The following LAMTOR2 variants were observed in gnomAD, a reference collection of about 807,000 sequenced individuals.
LAMTOR2 encodes late endosomal/lysosomal adaptor, MAPK and MTOR activator 2.
LAMTOR2 carries 4 observed loss-of-function variants against 15.8 expected under a neutral mutation model. The ratio of observed to expected loss-of-function variants is 0.25; its 90% CI spans 0.12 to 0.58. LAMTOR2 has a LOEUF of 0.58. Ranked by LOEUF, LAMTOR2 falls within the 20% of genes least tolerant of loss-of-function variation. The pLI is 0.91. For missense variants in LAMTOR2, 100 were observed against 161.0 expected (o/e 0.62, Z 2.05); for synonymous variants, 62 against 64.1 (o/e 0.97, Z 0.15).
At chr1:156,057,008 T>C (rs1647390804) in intron 2 of LAMTOR2, among the ~76,000 whole-genome samples, 1 of 151,364 alleles carries the variant, frequency 6.6e-6, no homozygotes, top group Admixed American at 6.6e-5. Flanking sequence ...TGAAACCCCA[T>C]CTCTACTAAA....
intron 2 of LAMTOR2, among the ~76,000 whole-genome samples, chr1:156,056,428 G>A (rs1249211185): frequency 6.6e-6 from 1 of 152,176 alleles, no homozygotes; most frequent in Non-Finnish European, 1.5e-5. Context: ...TCACTGAAAA[G>A]GTGACATTTG....
chr1:156,058,390 G>T lies in LAMTOR2; in HGVS notation c.*19G>T. The T allele has an allele frequency of 1.2e-6, 2 of 1,613,996 alleles. No individual in the cohort carries two copies. Among genetic ancestry groups the T allele is most frequent in the Admixed American group, 3.3e-5 (2 of 60,014 alleles). ...ATCTTAACGGCATTGGTGGAAGCTG[G>T]GGTCAGAAAAGAGAAATGACCATTT... On this transcript the variant is annotated 3_prime_UTR_variant, in exon 4 of 4. Transcript: ENST00000368305.
In LAMTOR2 at chr1:156,055,065, G is replaced by T; in HGVS notation, c.68+108G>T. ...ACCAGGAAGGGAGGAAGCGGCAGAG[G>T]GGGCAGCGGCTGGGGATACCGGCCG... On this transcript the variant is annotated intron_variant, in intron 1 of 3. Transcript: ENST00000368305. This position sits in a 1 kb window ranked among gnomAD's most constrained non-coding sequence, Gnocchi z 4.8. 1.4e-6 allele frequency: 2 copies of T among 1,414,222 alleles called. No individual in the cohort carries two copies. Among genetic ancestry groups the T allele is most frequent in the Admixed American group, 1.8e-5 (1 of 56,690 alleles). 87.6% of individuals were successfully genotyped at this position (1,414,222 alleles called of 1,614,324 possible). A position where few individuals can be genotyped will look rare whatever the true frequency, so the allele number is the denominator to read the frequency against.
chr1:156,055,456 C>T lies in LAMTOR2; in HGVS notation c.231+31C>T. 6.2e-7 allele frequency: 1 copy of T among 1,613,408 alleles called. No homozygotes were observed. Among genetic ancestry groups the T allele is most frequent in the East Asian group, 2.2e-5 (1 of 44,880 alleles). On this transcript the variant is annotated intron_variant, in intron 2 of 3. Transcript: ENST00000368305. This position sits in a 1 kb window ranked among gnomAD's most constrained non-coding sequence, Gnocchi z 4.8. The stretch of plus-strand genomic sequence containing the variant: ...GAGAGGGGAGCCAGACTTCCCCTGT[C>T]CCCCAAAGGGGATCCCAAGGGGGCG...
At chr1:156,054,990 G>A (rs1310178561) in intron 1 of LAMTOR2, 33 bp downstream of exon 1, 2 of 1,600,458 alleles carry the variant, frequency 1.2e-6, no homozygotes, top group Admixed American at 3.4e-5. Context: ...AGCGGCGAGC[G>A]CTGCAGTGGG....
chr1:156,057,264 TGGA>T (rs1647405220), intron 2 of LAMTOR2, among the ~76,000 whole-genome samples: 1 of 151,512 alleles, frequency 6.6e-6, no homozygotes, highest in South Asian at 2.1e-4. Context: ...AGGCTGAGGC[TGGA>T]GGATTATCTG....
Position 156,054,881 on chromosome 1 carries a change from A to G in LAMTOR2, c.-9A>G. 3.1e-6 allele frequency: 5 copies of G among 1,612,666 alleles called. No homozygotes were observed. The highest frequency in any genetic ancestry group is 4.2e-6 in the Non-Finnish European group (5 of 1,179,660). ...TGGGTGCAAAAGCCCAGGGTTAGGA[A>G]CCGTAGGCATGCTGCGCCCCAAGGC... On this transcript the variant is annotated 5_prime_UTR_variant, in exon 1 of 4. Transcript: ENST00000368305.
chr1:156,056,584 C>T (rs1288850446), intron 2 of LAMTOR2, among the ~76,000 whole-genome samples: 3 of 152,120 alleles, frequency 2.0e-5, no homozygotes, highest in Admixed American at 1.3e-4. Context: ...GCTGGAGTTA[C>T]GTGAGATGGA....
chr1:156,054,932 A>C lies in LAMTOR2; in HGVS notation c.43A>C (p.Asn15His), dbSNP rs760522881. The C allele has an allele frequency of 6.2e-7, 1 of 1,612,974 alleles. No individual in the cohort carries two copies. The highest frequency in any genetic ancestry group is 1.1e-5 in the South Asian group (1 of 91,042). The change falls in exon 1 of 4, where the codon AAC becomes CAC. Residue 15 changes from asparagine (N) to histidine (H), a missense_variant. Physicochemically the swap from Asn to His is moderately conservative, Grantham distance 68 (BLOSUM62 1). Transcript: ENST00000368305. ...KALTQVLSQA[N>H]TGGVQSTLLL... The stretch of plus-strand genomic sequence containing the variant: ...TTTGACCCAGGTGCTAAGCCAAGCC[A>C]ACACTGGAGGCGTCCAGAGCACCCT...
In LAMTOR2 at chr1:156,055,314, T is replaced by C; in HGVS notation, c.120T>C (p.Thr40=). Residue 40 remains threonine, a synonymous_variant, in exon 2 of 4, where the codon ACT becomes ACC. Coordinates refer to ENST00000368305, the MANE Select transcript of LAMTOR2 (RefSeq NM_014017.4). This position sits in a 1 kb window ranked among gnomAD's most constrained non-coding sequence, Gnocchi z 4.8. ...SLLAYSGYGD[T]DARVTAAIAS... ...TGGCCTACTCTGGTTACGGGGACAC[T>C]GACGCCCGGGTCACCGCTGCCATAG... is the stretch of plus-strand genomic sequence containing the variant. The C allele has an allele frequency of 6.2e-7, 1 of 1,614,176 alleles. No homozygotes were observed. Among genetic ancestry groups the C allele is most frequent in the Non-Finnish European group, 8.5e-7 (1 of 1,180,018 alleles).
At position 156,055,749 on chromosome 1, in the gene LAMTOR2, C is replaced by G. The variant is rs1412238266; in HGVS notation, c.231+324C>G. 1.5e-5 allele frequency: 6 copies of G among 395,966 alleles called. No individual in the cohort carries two copies. Among genetic ancestry groups the G allele is most frequent in the Middle Eastern group, 8.1e-4 (1 of 1,236 alleles). The allele number at this position is 395,966 out of a possible 1,614,324, so 24.5% of individuals were successfully genotyped here. A position where few individuals can be genotyped will look rare whatever the true frequency, so the allele number is the denominator to read the frequency against. On this transcript the variant is annotated intron_variant, in intron 2 of 3. Coordinates refer to ENST00000368305, the MANE Select transcript of LAMTOR2 (RefSeq NM_014017.4). This position sits in a 1 kb window ranked among gnomAD's most constrained non-coding sequence, Gnocchi z 4.8. ...AGACAATAATTTCCCTCTCCCCGCT[C>G]CCCTCATGGGTTGTTGTGAAGGTCA...
At chr1:156,057,011 C>G (rs11579394) in intron 2 of LAMTOR2, among the ~76,000 whole-genome samples, 21,804 of 151,596 alleles carry the variant, frequency 0.14, 2,115 homozygotes, top group Middle Eastern at 0.22. Flanking sequence ...AACCCCATCT[C>G]TACTAAAAAT....
At position 156,058,086 on chromosome 1, in the gene LAMTOR2, C is replaced by T; in HGVS notation, c.321+19C>T. On this transcript the variant is annotated intron_variant, in intron 3 of 3. Transcript: ENST00000368305. Reference sequence around the variant, plus strand: ...GGCCAAGGTGTGTATGTGCCCATCCCTCCATAGCCCTGGGCCCAGCCTTCG... The same window carrying T: ...GGCCAAGGTGTGTATGTGCCCATCCTTCCATAGCCCTGGGCCCAGCCTTCG... 1 of 1,611,192 alleles carries T rather than the reference C, an allele frequency of 6.2e-7. No homozygotes were observed.
rs566921632 is a variant in LAMTOR2, at chr1:156,054,979, G to A, written c.68+22G>A. On this transcript the variant is annotated intron_variant, in intron 1 of 3. Coordinates refer to ENST00000368305, the MANE Select transcript of LAMTOR2 (RefSeq NM_014017.4). ...CCCTGTGAGTGCAGACCACGGACCC[G>A]AGCGGCGAGCGCTGCAGTGGGGCGG... The A allele has an allele frequency of 6.2e-6, 10 of 1,607,176 alleles. No homozygotes were observed. The South Asian group carries it at 1.1e-4, about 18-fold the overall frequency.
rs1647444405 is a variant in LAMTOR2, at chr1:156,058,434, A to G, written c.*63A>G. 1.3e-6 allele frequency: 2 copies of G among 1,568,706 alleles called. No homozygotes were observed. Among genetic ancestry groups the G allele is most frequent in the Non-Finnish European group, 1.8e-6 (2 of 1,139,282 alleles). On this transcript the variant is annotated 3_prime_UTR_variant, in exon 4 of 4. Coordinates refer to ENST00000368305, the MANE Select transcript of LAMTOR2 (RefSeq NM_014017.4). ...ACCATTTGGAGGGGCGGGGCCTCCT[A>G]GAAGAACCTTCTTAGACAATGGGGG...
intron 2 of LAMTOR2, among the ~76,000 whole-genome samples, chr1:156,056,772 C>G (rs947658656): frequency 6.6e-6 from 1 of 152,162 alleles, no homozygotes. Flanking sequence ...TCCCCTACCC[C>G]CTGCACAACC....
rs773426381 is a variant in LAMTOR2, at chr1:156,058,300, G to A, written c.322-15G>A. 4 of 1,614,030 alleles carry A rather than the reference G, an allele frequency of 2.5e-6. No homozygotes were observed. The South Asian group carries it at 3.3e-5, about 13-fold the overall frequency. ...CAGGCTGTGTGCGGGACTGATCTCT[G>A]TTCTCCCTCTGCAGGCCCAGGCTTT... is the stretch of plus-strand genomic sequence containing the variant. On this transcript the variant is annotated splice_polypyrimidine_tract_variant and intron_variant, in intron 3 of 3. Coordinates refer to ENST00000368305, the MANE Select transcript of LAMTOR2 (RefSeq NM_014017.4).
chr1:156,056,772 C>A (rs947658656), intron 2 of LAMTOR2, among the ~76,000 whole-genome samples: 2 of 152,162 alleles, frequency 1.3e-5, no homozygotes, highest in Admixed American at 6.5e-5. Flanking sequence ...TCCCCTACCC[C>A]CTGCACAACC....
Position 156,055,025 on chromosome 1 carries a change from G to C in LAMTOR2, c.68+68G>C. 2 of 1,527,008 alleles carry C rather than the reference G, an allele frequency of 1.3e-6. No homozygotes were observed. The highest frequency in any genetic ancestry group is 1.1e-5 in the South Asian group (1 of 87,930). The allele number at this position is 1,527,008 out of a possible 1,614,324, so 94.6% of individuals were successfully genotyped here. A position where few individuals can be genotyped will look rare whatever the true frequency, so the allele number is the denominator to read the frequency against. Reference sequence around the variant, plus strand: ...GGCGGCGCGCGGCTCCCTGAGGGAGGGGTGGGGAAGGATCACCAGGAAGGG... The same window carrying C: ...GGCGGCGCGCGGCTCCCTGAGGGAGCGGTGGGGAAGGATCACCAGGAAGGG... On this transcript the variant is annotated intron_variant, in intron 1 of 3. Coordinates refer to ENST00000368305, the MANE Select transcript of LAMTOR2 (RefSeq NM_014017.4). The surrounding 1 kb of genome is among the most constrained non-coding windows in gnomAD (Gnocchi z 4.8).
Sources: gnomAD v4.1 joint callset for allele counts (sites outside exome capture counted in the v4.1 genomes callset) on GRCh38, gnomAD v4.1.1 for gene constraint, Gnocchi (gnomAD v3.1) non-coding constraint, MANE v1.5 for transcripts, NCBI Gene and HGNC (gene_info 2026-07-23, HGNC 2026-07-21) for gene names.